The following ROBO1 variants were observed in gnomAD, a reference collection of about 807,000 sequenced individuals.
ROBO1 encodes roundabout homolog 1.
Under a neutral mutation model 195.9 loss-of-function variants are expected in ROBO1, and 149 were observed. That is an observed-to-expected ratio of 0.76 (90% CI 0.67 to 0.87). The LOEUF (loss-of-function observed/expected upper bound fraction) is 0.87. Ranked by LOEUF, ROBO1 falls within the 40% of genes least tolerant of loss-of-function variation. The probability of loss-of-function intolerance (pLI) is 0.00; values close to 1 mark genes in which losing one functional copy is unlikely to be tolerated. For synonymous variants in ROBO1, 816 were observed against 733.2 expected (o/e 1.11, Z -1.82); for missense variants, 1,933 against 2,068.3 (o/e 0.93, Z 1.27).
At chr3:79,117,383 A>T (rs983828929) in intron 3 of ROBO1, among the ~76,000 whole-genome samples, 1 of 151,866 alleles carries the variant, frequency 6.6e-6, no homozygotes, top group Non-Finnish European at 1.5e-5. Context: ...ACAAAAACAA[A>T]AAAAAAAAGA....
intron 10 of ROBO1, among the ~76,000 whole-genome samples, chr3:78,673,376 T>C: frequency 6.7e-6 from 1 of 149,392 alleles, no homozygotes. Flanking sequence ...GTGTAACAGG[T>C]ATAACAGGTG....
chr3:79,502,487 C>G (rs1940140379), intron 2 of ROBO1, among the ~76,000 whole-genome samples: 1 of 152,102 alleles, frequency 6.6e-6, no homozygotes, highest in African/African-American at 2.4e-5. Context: ...ATGCCTGAGT[C>G]TCCCCCCGCC....
chr3:79,518,759 C>A (rs901251949), intron 2 of ROBO1, among the ~76,000 whole-genome samples: 2 of 151,842 alleles, frequency 1.3e-5, no homozygotes, highest in Non-Finnish European at 2.9e-5. Flanking sequence ...CGGCTCACTG[C>A]CTCCCGGGTT....
intron 1 of ROBO1, among the ~76,000 whole-genome samples, chr3:79,707,190 T>C (rs950047087): frequency 6.6e-6 from 1 of 152,164 alleles, no homozygotes; most frequent in African/African-American, 2.4e-5. Flanking sequence ...TATAGGTCTA[T>C]ACTGATTGAT....
chr3:79,658,902 A>G (rs1946248378), intron 1 of ROBO1, among the ~76,000 whole-genome samples: 1 of 151,612 alleles, frequency 6.6e-6, no homozygotes, highest in Non-Finnish European at 1.5e-5. Flanking sequence ...ATGTCCGGCT[A>G]ATTTTTGTAT....
In ROBO1 at chr3:79,057,791, G is replaced by A. The variant is rs565718664; in HGVS notation, c.172+67665C>T. Reference sequence around the variant, plus strand: ...TATGTGCCTTTTCCTCCACTTATTCGACCTCTCACCTGGCTGGATGCTCCT... The same window carrying A: ...TATGTGCCTTTTCCTCCACTTATTCAACCTCTCACCTGGCTGGATGCTCCT... On this transcript the variant is annotated intron_variant, in intron 3 of 30. Coordinates refer to ENST00000464233, the MANE Select transcript of ROBO1 (RefSeq NM_002941.4). Among the ~76,000 whole-genome samples the A allele has an allele frequency of 1.2e-3, 182 of 151,704 alleles. 1 individual carries two copies. The Middle Eastern group carries it at 0.014, about 11-fold the overall frequency.
chr3:78,635,962 G>GC lies in ROBO1; in HGVS notation c.3183dup (p.Arg1062AlafsTer69). 1 of 1,613,818 alleles carries GC rather than the reference G, an allele frequency of 6.2e-7. No individual in the cohort carries two copies. Among genetic ancestry groups the GC allele is most frequent in the Non-Finnish European group, 8.5e-7 (1 of 1,179,828 alleles). On this transcript the variant is annotated frameshift_variant, in exon 23 of 31. Coordinates refer to ENST00000464233, the MANE Select transcript of ROBO1 (RefSeq NM_002941.4). LOFTEE classifies it high-confidence loss of function. The stretch of plus-strand genomic sequence containing the variant: ...GGCTGCCCTGATGGATTGACAAAAC[G>GC]CCCATCCTTCAGATTTGGGCTATTG...
intron 2 of ROBO1, among the ~76,000 whole-genome samples, chr3:79,181,575 T>C (rs776913235): frequency 6.6e-6 from 1 of 152,182 alleles, no homozygotes; most frequent in African/African-American, 2.4e-5. Flanking sequence ...TATTTTTAAA[T>C]GCAAGACAGA....
chr3:78,902,907 C>T (rs2037672791), intron 4 of ROBO1, among the ~76,000 whole-genome samples: 1 of 151,952 alleles, frequency 6.6e-6, no homozygotes, highest in Admixed American at 6.6e-5. Context: ...TGGTACTGTC[C>T]AAAAATTCCA....
intron 1 of ROBO1, among the ~76,000 whole-genome samples, chr3:79,636,848 T>C (rs2108050209): frequency 6.6e-6 from 1 of 152,328 alleles, no homozygotes; most frequent in African/African-American, 2.4e-5. Context: ...TGAAACGTGT[T>C]AGCTGTATAA....
intron 2 of ROBO1, among the ~76,000 whole-genome samples, chr3:79,127,906 C>G (rs764424362): frequency 2.2e-4 from 34 of 152,226 alleles, no homozygotes; most frequent in Non-Finnish European, 4.0e-4. Flanking sequence ...TCTCTAAAGT[C>G]CATTCAATCT....
chr3:79,556,406 T>C (rs1037384123), intron 2 of ROBO1, among the ~76,000 whole-genome samples: 15 of 152,092 alleles, frequency 9.9e-5, no homozygotes, highest in Admixed American at 5.9e-4. Context: ...AAAAACAGCA[T>C]GAAGTATGTA....
chr3:79,721,847 A>G (rs1702716260), intron 1 of ROBO1, among the ~76,000 whole-genome samples: 1 of 152,130 alleles, frequency 6.6e-6, no homozygotes, highest in Non-Finnish European at 1.5e-5. Context: ...CTTTCATTGA[A>G]TTCCCATTGT....
chr3:79,614,637 G>A (rs1944763214), intron 1 of ROBO1, among the ~76,000 whole-genome samples: 1 of 151,862 alleles, frequency 6.6e-6, no homozygotes, highest in African/African-American at 2.4e-5. Flanking sequence ...ATGAAATAAA[G>A]ATACATTTAA....
intron 4 of ROBO1, among the ~76,000 whole-genome samples, chr3:78,915,772 G>A (rs954059793): frequency 1.3e-5 from 2 of 151,726 alleles, no homozygotes; most frequent in African/African-American, 2.4e-5. Context: ...ATCTTCCCAC[G>A]TCAGCCACCC....
intron 3 of ROBO1, among the ~76,000 whole-genome samples, chr3:79,077,625 TCA>T (rs2079196950): frequency 1.3e-5 from 2 of 151,916 alleles, no homozygotes; most frequent in Admixed American, 1.3e-4. Context: ...AAGAAATAAT[TCA>T]GCTATGTTAA....
At chr3:79,476,583 T>TA (rs1331241296) in intron 2 of ROBO1, among the ~76,000 whole-genome samples, 1 of 151,980 alleles carries the variant, frequency 6.6e-6, no homozygotes. Flanking sequence ...TACTCAGCCA[T>TA]AAAAAGGAAC....
At chr3:79,499,187 G>A (rs1445376116) in intron 2 of ROBO1, among the ~76,000 whole-genome samples, 3 of 152,066 alleles carry the variant, frequency 2.0e-5, no homozygotes, top group Non-Finnish European at 2.9e-5. Context: ...TAGAGACGGG[G>A]TTTCGCCATG....
At chr3:78,885,903 A>T (rs2107313820) in intron 4 of ROBO1, among the ~76,000 whole-genome samples, 1 of 122,926 alleles carries the variant, frequency 8.1e-6, no homozygotes, top group East Asian at 2.6e-4. Flanking sequence ...TACTGATAGC[A>T]AAATTTTATA....
Sources: gnomAD v4.1 joint callset for allele counts (sites outside exome capture counted in the v4.1 genomes callset) on GRCh38, gnomAD v4.1.1 for gene constraint, MANE v1.5 for transcripts, NCBI Gene and HGNC (gene_info 2026-07-23, HGNC 2026-07-21) for gene names.